Variants in EYS observed in about 807,000 individuals in gnomAD.
EYS encodes EGF-like photoreceptor maintenance factor, also known as protein eyes shut homolog.
EYS carries 250 observed loss-of-function variants against 282.1 expected under a neutral mutation model. That is an observed-to-expected ratio of 0.89 (90% confidence interval 0.80 to 0.98). The LOEUF (loss-of-function observed/expected upper bound fraction) is 0.98. Among genes scored for constraint, EYS ranks in the 50% least tolerant of loss-of-function variants. The pLI, the probability that EYS is intolerant of heterozygous loss-of-function variation, is 0.00. For missense variants in EYS, 4,016 were observed against 3,709.0 expected (o/e 1.08, Z -2.15); for synonymous variants, 1,355 against 1,282.9 (o/e 1.06, Z -1.20).
chr6:64,395,303 A>G (rs889350758), intron 28 of EYS, among the ~76,000 whole-genome samples: 1 of 152,118 alleles, frequency 6.6e-6, no homozygotes, highest in Admixed American at 6.5e-5. Flanking sequence ...AAGGACTCTA[A>G]ATCATGCTGC....
At chr6:65,483,038 AT>A (rs1765661157) in intron 5 of EYS, among the ~76,000 whole-genome samples, 1 of 152,308 alleles carries the variant, frequency 6.6e-6, no homozygotes, top group African/African-American at 2.4e-5. Flanking sequence ...TAGTTATAAA[AT>A]TTGAATAAAT....
intron 26 of EYS, among the ~76,000 whole-genome samples, chr6:64,528,452 T>C (rs772714999): frequency 5.3e-5 from 8 of 151,914 alleles, no homozygotes; most frequent in Non-Finnish European, 1.0e-4. Flanking sequence ...AGTAGCCTAG[T>C]AGGGGGCTCT....
chr6:65,251,031 T>TAAAA (rs1767308070), intron 12 of EYS, among the ~76,000 whole-genome samples: 1 of 52,736 alleles, frequency 1.9e-5, no homozygotes, highest in Non-Finnish European at 4.0e-5. Context: ...AAAATATAAA[T>TAAAA]AACAACAGAA....
chr6:65,109,671 A>T (rs188742960), intron 12 of EYS, among the ~76,000 whole-genome samples: 1 of 149,574 alleles, frequency 6.7e-6, no homozygotes, highest in Non-Finnish European at 1.5e-5. Flanking sequence ...AAAAAAAAAA[A>T]CACCTTTTTT....
rs1476092158 is a variant in EYS, at chr6:63,919,150, G to A, written c.7056-54792C>T. 5.9e-5 allele frequency among the ~76,000 whole-genome samples: 9 copies of A among 152,002 alleles called. No individual in the cohort carries two copies. The East Asian group carries it at 1.7e-3, about 29-fold the overall frequency. ...AGCAGGGCATCGCTGAGGAATGCAG[G>A]GCAGCAACCATGGTCCCAAAGGAAG... is the stretch of plus-strand genomic sequence containing the variant. On this transcript the variant is annotated intron_variant, in intron 35 of 42. Transcript: ENST00000503581.
chr6:63,938,910 A>G (rs1424874479), intron 35 of EYS, among the ~76,000 whole-genome samples: 4 of 152,146 alleles, frequency 2.6e-5, no homozygotes, highest in African/African-American at 9.7e-5. Flanking sequence ...CACAAAAGTG[A>G]ACTAAATAAC....
chr6:65,496,262 G>A (rs776158709), intron 2 of EYS, among the ~76,000 whole-genome samples: 14 of 151,920 alleles, frequency 9.2e-5, no homozygotes, highest in Non-Finnish European at 2.1e-4. Flanking sequence ...AGTAAATAAA[G>A]TAAAAATAAA....
At chr6:64,405,133 TC>T (rs1210291030) in intron 28 of EYS, among the ~76,000 whole-genome samples, 3 of 152,282 alleles carry the variant, frequency 2.0e-5, no homozygotes, top group South Asian at 2.1e-4. Context: ...CCTGATGCTC[TC>T]CCCGACTATT....
chr6:65,125,437 T>A (rs937021251), intron 12 of EYS, among the ~76,000 whole-genome samples: 5 of 152,212 alleles, frequency 3.3e-5, no homozygotes, highest in African/African-American at 4.8e-5. Flanking sequence ...TTCTGTTGCC[T>A]AGAACAATAA....
chr6:64,686,555 T>C (rs10806479), intron 22 of EYS, among the ~76,000 whole-genome samples: 119,534 of 149,730 alleles, frequency 0.8, 48,109 homozygotes, highest in Non-Finnish European at 0.86. Flanking sequence ...TCCTGGTTAA[T>C]GCGGTAAAAC....
intron 1 of EYS, among the ~76,000 whole-genome samples, chr6:65,685,671 A>G (rs182130689): frequency 2.4e-3 from 364 of 152,120 alleles, no homozygotes; most frequent in African/African-American, 8.4e-3. Flanking sequence ...TTGTTGTTTT[A>G]ACCTCTTTTT....
intron 22 of EYS, among the ~76,000 whole-genome samples, chr6:64,808,518 G>A (rs1426367418): frequency 1.3e-5 from 2 of 151,932 alleles, no homozygotes; most frequent in African/African-American, 4.8e-5. Context: ...CTGTTGCATA[G>A]AAAATAAATT....
At chr6:64,736,335 T>G (rs2149956751) in intron 22 of EYS, among the ~76,000 whole-genome samples, 1 of 152,260 alleles carries the variant, frequency 6.6e-6, no homozygotes, top group Non-Finnish European at 1.5e-5. Context: ...TTTTGAGTAT[T>G]GAATGAACAA....
intron 29 of EYS, among the ~76,000 whole-genome samples, chr6:64,343,861 A>G (rs2150398398): frequency 6.6e-6 from 1 of 152,284 alleles, no homozygotes; most frequent in East Asian, 1.9e-4. Context: ...GCAATAAAAA[A>G]TGATAAAGGG....
At chr6:64,912,251 T>C (rs1768020950) in intron 16 of EYS, among the ~76,000 whole-genome samples, 1 of 151,956 alleles carries the variant, frequency 6.6e-6, no homozygotes, top group Middle Eastern at 3.2e-3. Flanking sequence ...GCCAAAAAGC[T>C]ATAAAGCTTC....
intron 22 of EYS, among the ~76,000 whole-genome samples, chr6:64,707,258 A>G (rs1562146569): frequency 6.6e-6 from 1 of 152,148 alleles, no homozygotes; most frequent in Non-Finnish European, 1.5e-5. Flanking sequence ...AAAACCAAAC[A>G]TTGTATCTTT....
At chr6:65,370,702 C>A (rs1765110701) in intron 8 of EYS, among the ~76,000 whole-genome samples, 1 of 151,808 alleles carries the variant, frequency 6.6e-6, no homozygotes, top group African/African-American at 2.4e-5. Flanking sequence ...CAGGCTTGGT[C>A]AATTTAGCTC....
intron 22 of EYS, among the ~76,000 whole-genome samples, chr6:64,759,398 T>C (rs1773087037): frequency 1.3e-5 from 2 of 152,220 alleles, no homozygotes; most frequent in African/African-American, 4.8e-5. Flanking sequence ...TAAATATAGT[T>C]TTATGTACAT....
chr6:64,095,497 A>AC (rs1772560793), intron 31 of EYS, among the ~76,000 whole-genome samples: 1 of 151,848 alleles, frequency 6.6e-6, no homozygotes, highest in African/African-American at 2.4e-5. Context: ...TGATCCCTTT[A>AC]CCATTATGTA....
Sources: allele counts gnomAD v4.1 joint callset (sites outside exome capture counted in the v4.1 genomes callset), GRCh38; gene constraint gnomAD v4.1.1; transcripts MANE v1.5; gene names NCBI Gene and HGNC (gene_info 2026-07-23, HGNC 2026-07-21).